The following SCFD2 variants were observed in gnomAD, a reference collection of about 807,000 sequenced individuals.
The protein encoded by SCFD2 is sec1 family domain-containing protein 2.
Under a neutral mutation model 58.9 loss-of-function variants are expected in SCFD2, and 54 were observed. The observed-to-expected ratio is 0.92, with a 90% CI of 0.74 to 1.15. The LOEUF is 1.15. Among genes scored for constraint, SCFD2 ranks in the 50% most tolerant of loss-of-function variants. The pLI is 0.00. For missense variants in SCFD2, 805 were observed against 836.6 expected, an observed-to-expected ratio of 0.96 and a Z score of 0.47; for synonymous variants, 321 against 335.9, an observed-to-expected ratio of 0.96 and a Z score of 0.49.
intron 4 of SCFD2, among the ~76,000 whole-genome samples, chr4:53,179,414 G>A (rs545312554): frequency 6.6e-6 from 1 of 152,270 alleles, no homozygotes; most frequent in East Asian, 1.9e-4. Context: ...TTCATTAAGT[G>A]AAGGAGAAAT....
At chr4:52,941,088 T>A (rs1577844556) in intron 5 of SCFD2, among the ~76,000 whole-genome samples, 1 of 106,846 alleles carries the variant, frequency 9.4e-6, no homozygotes, top group Non-Finnish European at 1.7e-5. Context: ...AATCCTGGCA[T>A]TTTTTTTTTT....
intron 5 of SCFD2, among the ~76,000 whole-genome samples, chr4:52,992,625 G>C (rs1390085427): frequency 2.0e-5 from 3 of 149,980 alleles, no homozygotes; most frequent in African/African-American, 7.4e-5. Flanking sequence ...TGTGGGGAGT[G>C]CCTCTGCCCC....
chr4:53,161,842 A>G lies in SCFD2; in HGVS notation c.1312-16260T>C, dbSNP rs188150951. ...TATCATATTATCATCAATCAATTAC[A>G]ATGATTGAGCAGCCTCTAAAAACCC... is the stretch of plus-strand genomic sequence containing the variant. On this transcript the variant is annotated intron_variant, in intron 4 of 8. Transcript: ENST00000401642. Among the ~76,000 whole-genome samples, 135 of 152,334 alleles carry G rather than the reference A, an allele frequency of 8.9e-4. 3 individuals carry two copies. In the East Asian group the frequency reaches 0.024, roughly 27 times the overall value.
intron 5 of SCFD2, among the ~76,000 whole-genome samples, chr4:53,127,831 T>TGGA (rs1440655828): frequency 6.6e-6 from 1 of 151,924 alleles, no homozygotes. Context: ...AAGTCCAATG[T>TGGA]GGAGGAGTGT....
At chr4:53,248,025 C>CT (rs1260288591) in intron 4 of SCFD2, among the ~76,000 whole-genome samples, 1 of 152,196 alleles carries the variant, frequency 6.6e-6, no homozygotes, top group Non-Finnish European at 1.5e-5. Flanking sequence ...GTTCATCTCA[C>CT]TAGGGAGTGC....
intron 5 of SCFD2, among the ~76,000 whole-genome samples, chr4:53,012,012 T>C (rs1380324700): frequency 6.6e-6 from 1 of 151,724 alleles, no homozygotes; most frequent in Non-Finnish European, 1.5e-5. Flanking sequence ...TTTTTTTTTT[T>C]TTTTTTTAAT....
rs567326936 is a variant in SCFD2, at chr4:53,311,566, G to A, written c.1135+2070C>T. 3.3e-5 allele frequency among the ~76,000 whole-genome samples: 5 copies of A among 151,900 alleles called. No individual in the cohort carries two copies. In the South Asian group the frequency reaches 1.0e-3, roughly 32 times the overall value. On this transcript the variant is annotated intron_variant, in intron 3 of 8. Transcript: ENST00000401642. ...TTATGCTCTGTGATAGTATCATAAT[G>A]TTGTATCACTGAAACACAATATAAA... is the stretch of plus-strand genomic sequence containing the variant.
chr4:52,964,335 A>G (rs1258059980), intron 5 of SCFD2, among the ~76,000 whole-genome samples: 4 of 152,194 alleles, frequency 2.6e-5, no homozygotes, highest in East Asian at 1.9e-4. Context: ...AAACATGCAT[A>G]TATCACAGGT....
intron 2 of SCFD2, among the ~76,000 whole-genome samples, chr4:53,316,045 C>T (rs570968338): frequency 2.0e-5 from 3 of 152,288 alleles, no homozygotes; most frequent in South Asian, 2.1e-4. Flanking sequence ...TCTCTCTCTC[C>T]CTCCAGGTAT....
intron 4 of SCFD2, among the ~76,000 whole-genome samples, chr4:53,245,900 A>G (rs1451460412): frequency 6.6e-6 from 1 of 152,162 alleles, no homozygotes; most frequent in Non-Finnish European, 1.5e-5. Flanking sequence ...AGGAAGACAG[A>G]AAGTCAAACT....
At chr4:53,341,441 G>C (rs1733868593) in intron 2 of SCFD2, among the ~76,000 whole-genome samples, 1 of 152,178 alleles carries the variant, frequency 6.6e-6, no homozygotes, top group Admixed American at 6.5e-5. Context: ...AAGCCTCCAA[G>C]AAATATGGGA....
intron 7 of SCFD2, among the ~76,000 whole-genome samples, chr4:52,895,723 T>G (rs1345846445): frequency 6.6e-6 from 1 of 152,192 alleles, no homozygotes; most frequent in East Asian, 1.9e-4. Flanking sequence ...TATTTCTAGT[T>G]CTAGATGCCT....
intron 2 of SCFD2, among the ~76,000 whole-genome samples, chr4:53,349,602 C>T (rs1560460787): frequency 6.6e-6 from 1 of 152,242 alleles, no homozygotes; most frequent in African/African-American, 2.4e-5. Flanking sequence ...ATTTCTAAAG[C>T]ATCACTGCCA....
intron 3 of SCFD2, among the ~76,000 whole-genome samples, chr4:53,311,912 T>C (rs907785379): frequency 3.3e-5 from 5 of 152,140 alleles, no homozygotes; most frequent in Admixed American, 3.3e-4. Flanking sequence ...AGGATTATAG[T>C]CGAGAGCCAC....
intron 4 of SCFD2, among the ~76,000 whole-genome samples, chr4:53,235,006 C>T (rs1480602909): frequency 1.3e-5 from 2 of 152,258 alleles, no homozygotes; most frequent in African/African-American, 4.8e-5. Flanking sequence ...ACATCCCCAA[C>T]ACACAGCTTC....
chr4:53,035,636 AC>A (rs1265201427), intron 5 of SCFD2, among the ~76,000 whole-genome samples: 1 of 152,216 alleles, frequency 6.6e-6, no homozygotes, highest in Non-Finnish European at 1.5e-5. Flanking sequence ...CAACAAAAAA[AC>A]AAACAACCCC....
chr4:53,178,611 T>A (rs1727428075), intron 4 of SCFD2, among the ~76,000 whole-genome samples: 1 of 152,168 alleles, frequency 6.6e-6, no homozygotes, highest in Non-Finnish European at 1.5e-5. Flanking sequence ...TCCAAAGGAA[T>A]GCAGCTCCTC....
intron 5 of SCFD2, among the ~76,000 whole-genome samples, chr4:52,921,706 C>T (rs1719740122): frequency 6.6e-6 from 1 of 152,092 alleles, no homozygotes; most frequent in South Asian, 2.1e-4. Context: ...ACTCGGTCAC[C>T]CTGGGTGTCC....
chr4:53,181,657 GC>G (rs1317585869), intron 4 of SCFD2, among the ~76,000 whole-genome samples: 1 of 152,146 alleles, frequency 6.6e-6, no homozygotes, highest in Non-Finnish European at 1.5e-5. Context: ...TCTGGCCAGG[GC>G]AATCAGGCAG....
Sources: allele counts gnomAD v4.1 joint callset (sites outside exome capture counted in the v4.1 genomes callset), GRCh38; gene constraint gnomAD v4.1.1; transcripts MANE v1.5; gene names NCBI Gene and HGNC (gene_info 2026-07-23, HGNC 2026-07-21).